Variants in TRPM8 observed in about 807,000 individuals in gnomAD.
TRPM8 encodes the protein transient receptor potential cation channel subfamily M member 8, also known as TRPM8 cationic channel.
TRPM8 carries 110 observed loss-of-function variants against 133.7 expected under a neutral mutation model. The ratio of observed to expected loss-of-function variants is 0.82; its 90% CI spans 0.70 to 0.96. The LOEUF (loss-of-function observed/expected upper bound fraction) is 0.96, where lower values mean the gene tolerates loss of function less well. TRPM8 is among the 40% of genes least tolerant of loss of function. The pLI, the probability that TRPM8 is intolerant of heterozygous loss-of-function variation, is 0.00. For missense variants in TRPM8, 1,291 were observed against 1,379.5 expected, an observed-to-expected ratio of 0.94 and a Z score of 1.02; for synonymous variants, 535 against 532.3, an observed-to-expected ratio of 1.01 and a Z score of -0.07.
At position 233,964,621 on chromosome 2, in the gene TRPM8, TA is replaced by T; in HGVS notation, c.1750-2del. On this transcript the variant is annotated splice_region_variant and splice_polypyrimidine_tract_variant and intron_variant, in intron 13 of 25. Transcript: ENST00000324695. ...TTAACCTTAAAATTCTTCACCCCCCTAAAAAGACCAGGGGCTGCACTCTGGC... is the reference window on the plus strand; with the variant it reads ...TTAACCTTAAAATTCTTCACCCCCCTAAAAGACCAGGGGCTGCACTCTGGC... The T allele has an allele frequency of 1.5e-6, 2 of 1,322,026 alleles. No homozygotes were observed. The highest frequency in any genetic ancestry group is 2.0e-6 in the Non-Finnish European group (2 of 1,005,388). The allele number at this position is 1,322,026 out of a possible 1,614,324, so 81.9% of individuals were successfully genotyped here.
chr2:233,961,904 C>T (rs565405080), intron 12 of TRPM8, among the ~76,000 whole-genome samples: 1 of 152,328 alleles, frequency 6.6e-6, no homozygotes, highest in East Asian at 1.9e-4. Flanking sequence ...GTTGGGATTA[C>T]AGGCGTGAAC....
intron 18 of TRPM8, among the ~76,000 whole-genome samples, chr2:233,981,072 T>G (rs1460164914): frequency 6.6e-6 from 1 of 152,184 alleles, no homozygotes; most frequent in African/African-American, 2.4e-5. Flanking sequence ...AGGCTAGCAA[T>G]TATATATGAG....
intron 17 of TRPM8, among the ~76,000 whole-genome samples, chr2:233,971,789 T>C (rs968337032): frequency 6.6e-6 from 1 of 152,036 alleles, no homozygotes; most frequent in Non-Finnish European, 1.5e-5. Flanking sequence ...GAATGAGCAG[T>C]AGCAAGATTT....
intron 17 of TRPM8, among the ~76,000 whole-genome samples, chr2:233,971,123 T>G (rs1184083570): frequency 6.6e-6 from 1 of 152,236 alleles, no homozygotes; most frequent in Non-Finnish European, 1.5e-5. Context: ...TGACAACTAC[T>G]GTTGTTGTCG....
intron 1 of TRPM8, among the ~76,000 whole-genome samples, chr2:233,924,308 A>C (rs1036446435): frequency 6.6e-6 from 1 of 152,184 alleles, no homozygotes; most frequent in African/African-American, 2.4e-5. Flanking sequence ...TGACGCACCA[A>C]GGGATCGGCT....
intron 22 of TRPM8, among the ~76,000 whole-genome samples, chr2:233,996,745 T>C (rs569393621): frequency 6.6e-6 from 1 of 152,222 alleles, no homozygotes; most frequent in Non-Finnish European, 1.5e-5. Context: ...GGGGAATGAA[T>C]GACTTTTGGA....
Position 233,937,366 on chromosome 2 carries a change from A to C in TRPM8, c.205A>C (p.Lys69Gln). ...KDSKATENVC[K>Q]CGYAQSQHME... ...CGTGCTTATCAGGGAGAATGTGTGC[A>C]AGTGTGGCTATGCCCAGAGCCAGCA... Residue 69 changes from lysine to glutamine, a missense_variant, in exon 4 of 26, where the codon AAG becomes CAG. This residue lies in a region of TRPM8 where 963 missense variants were observed against 968.9 expected (regional missense o/e 0.99). Coordinates refer to ENST00000324695, the MANE Select transcript of TRPM8 (RefSeq NM_024080.5). The C allele has an allele frequency of 6.2e-7, 1 of 1,614,184 alleles. No individual in the cohort carries two copies. The highest frequency in any genetic ancestry group is 8.5e-7 in the Non-Finnish European group (1 of 1,180,028).
chr2:233,927,581 G>C lies in TRPM8; in HGVS notation c.117+927G>C, dbSNP rs75635235. The stretch of plus-strand genomic sequence containing the variant: ...AAGCAAACAGTGGGCCAAGGGTGGT[G>C]GTAGCTTTTCCAGCGTTTACCCCCT... On this transcript the variant is annotated intron_variant, in intron 2 of 25. Transcript: ENST00000324695. Among the ~76,000 whole-genome samples the C allele has an allele frequency of 3.4e-3, 524 of 152,192 alleles. 4 individuals carry two copies. The highest frequency in any genetic ancestry group is 0.012 in the African/African-American group (508 of 41,502).
At chr2:234,011,104 C>T (rs1292104708) in intron 24 of TRPM8, among the ~76,000 whole-genome samples, 1 of 152,192 alleles carries the variant, frequency 6.6e-6, no homozygotes, top group East Asian at 1.9e-4. Context: ...TTTACAGTTT[C>T]AAGTCTTATG....
In TRPM8 at chr2:233,969,733, A is replaced by C. The variant is rs759190617; in HGVS notation, c.2064A>C (p.Arg688=). 1 of 1,613,906 alleles carries C rather than the reference A, an allele frequency of 6.2e-7. No individual in the cohort carries two copies. Among genetic ancestry groups the C allele is most frequent in the South Asian group, 1.1e-5 (1 of 91,068 alleles). The change falls in exon 16 of 26, where the codon CGA becomes CGC. Residue 688 remains arginine (R), a synonymous_variant. Transcript: ENST00000324695. ...AGCAATGGTATGGAGAGATTTCCCG[A>C]GACACCAAGAACTGGAAGATTATCC... The part of the protein sequence containing the change: ...LSKQWYGEIS[R]DTKNWKIILC...
intron 22 of TRPM8, among the ~76,000 whole-genome samples, chr2:234,005,640 G>A (rs573718448): frequency 6.6e-6 from 1 of 152,168 alleles, no homozygotes; most frequent in African/African-American, 2.4e-5. Flanking sequence ...GCTGGGCACA[G>A]TGTCTCAAGC....
At chr2:233,978,526 A>G (rs1413930295) in intron 17 of TRPM8, among the ~76,000 whole-genome samples, 2 of 152,176 alleles carry the variant, frequency 1.3e-5, no homozygotes, top group Non-Finnish European at 2.9e-5. Flanking sequence ...TGGTTTTACA[A>G]AAACAATATT....
chr2:233,919,324 C>A (rs985243304), intron 1 of TRPM8, among the ~76,000 whole-genome samples: 1 of 152,174 alleles, frequency 6.6e-6, no homozygotes, highest in Non-Finnish European at 1.5e-5. Context: ...CCTCTCCCCT[C>A]AGCAAACAAC....
At chr2:233,959,325 C>CTTTTTT (rs778556639) in intron 11 of TRPM8, among the ~76,000 whole-genome samples, 3 of 106,300 alleles carry the variant, frequency 2.8e-5, no homozygotes, top group East Asian at 2.8e-4. Context: ...CTCGCCCAGC[C>CTTTTTT]TTTTTTTTTT....
At chr2:233,972,411 T>A (rs557315059) in intron 17 of TRPM8, among the ~76,000 whole-genome samples, 3 of 152,252 alleles carry the variant, frequency 2.0e-5, no homozygotes, top group Non-Finnish European at 4.4e-5. Context: ...CTTCACCCAG[T>A]GGATCCCGCA....
At chr2:233,962,793 T>C (rs762487515) in intron 12 of TRPM8, among the ~76,000 whole-genome samples, 5 of 152,218 alleles carry the variant, frequency 3.3e-5, no homozygotes, top group Admixed American at 6.5e-5. Context: ...AAGTTTCCCT[T>C]GAAAGGTACA....
At chr2:234,000,977 C>G (rs567202696) in intron 22 of TRPM8, among the ~76,000 whole-genome samples, 2 of 152,306 alleles carry the variant, frequency 1.3e-5, no homozygotes, top group Non-Finnish European at 2.9e-5. Context: ...TGTTCTCAGC[C>G]AAACTTGAAC....
chr2:233,957,329 C>CA (rs35644215), intron 11 of TRPM8, among the ~76,000 whole-genome samples: 11,666 of 149,332 alleles, frequency 0.078, 1,226 homozygotes, highest in East Asian at 0.22. Context: ...CTGCCCCCCC[C>CA]AAAAAAAAAA....
chr2:234,003,571 C>T (rs7560562), intron 22 of TRPM8, among the ~76,000 whole-genome samples: 106,593 of 152,092 alleles, frequency 0.7, 37,761 homozygotes, highest in African/African-American at 0.79. Context: ...AGCCATGTCA[C>T]GGCTGGTGGC....
Sources: allele counts gnomAD v4.1 joint callset (sites outside exome capture counted in the v4.1 genomes callset), GRCh38; gene constraint gnomAD v4.1.1; regional missense constraint gnomAD v4.1.1; transcripts MANE v1.5; gene names NCBI Gene and HGNC (gene_info 2026-07-23, HGNC 2026-07-21).